MBP: variants seen among roughly 807,000 people sequenced by gnomAD.
MBP encodes myelin basic protein, also known as Golli-MBP.
A neutral mutation model predicts 35.8 loss-of-function variants in MBP; 16 were observed. The observed-to-expected ratio is 0.45, with a 90% confidence interval of 0.30 to 0.68. The LOEUF is 0.68. MBP is among the 30% of genes least tolerant of loss of function. The pLI is 0.08. For missense variants in MBP, 380 were observed against 404.7 expected (o/e 0.94, Z 0.52); for synonymous variants, 143 against 159.6 (o/e 0.90, Z 0.78).
At chr18:77,105,313 C>A in intron 1 of MBP, 27 bp from the exon 2 acceptor site, 2 of 1,442,672 alleles carry the variant, frequency 1.4e-6, no homozygotes, top group Non-Finnish European at 2.0e-6. Context: ...AAGTGTCAGC[C>A]CTAAGTCTAG....
At chr18:77,004,336 A>G (rs1375088972) in intron 4 of MBP, 1 of 152,074 alleles carries the variant, frequency 6.6e-6, no homozygotes, top group Admixed American at 6.5e-5. Flanking sequence ...AACAGCTCCT[A>G]CCATGCCTCA....
intron 1 of MBP, among the ~76,000 whole-genome samples, chr18:77,121,212 A>T (rs1052182279): frequency 4.6e-5 from 7 of 151,884 alleles, no homozygotes; most frequent in African/African-American, 1.5e-4. Flanking sequence ...AGGGAGATTG[A>T]GGTGGGAGGG....
At chr18:77,099,596 C>T (rs1356770703) in intron 2 of MBP, among the ~76,000 whole-genome samples, 1 of 152,246 alleles carries the variant, frequency 6.6e-6, no homozygotes, top group South Asian at 2.1e-4. Context: ...ACCTGGGGCT[C>T]CAGGCCTGGC....
At chr18:77,034,051 CAAAAAAA>C (rs398033591) in intron 3 of MBP, among the ~76,000 whole-genome samples, 5 of 70,502 alleles carry the variant, frequency 7.1e-5, no homozygotes, top group Non-Finnish European at 1.1e-4. Flanking sequence ...CCTAATGGGG[CAAAAAAA>C]AAAAAAAAAA....
intron 4 of MBP, among the ~76,000 whole-genome samples, chr18:76,998,249 G>A (rs914063630): frequency 5.3e-5 from 8 of 152,224 alleles, no homozygotes; most frequent in Non-Finnish European, 8.8e-5. Flanking sequence ...TGTGCATGGA[G>A]CCTGCAGCGT....
At chr18:77,023,048 T>A (rs900914067) in intron 3 of MBP, among the ~76,000 whole-genome samples, 1 of 152,258 alleles carries the variant, frequency 6.6e-6, no homozygotes, top group East Asian at 1.9e-4. Context: ...TTTCTGCAAT[T>A]GCAGGAAAAC....
chr18:77,009,244 C>T (rs1971186057), intron 4 of MBP, among the ~76,000 whole-genome samples: 1 of 152,192 alleles, frequency 6.6e-6, no homozygotes, highest in South Asian at 2.1e-4. Flanking sequence ...GTGCTCCTGG[C>T]ACCTATGTGC....
At chr18:77,066,842 A>G (rs375472372) in intron 2 of MBP, among the ~76,000 whole-genome samples, 4 of 152,356 alleles carry the variant, frequency 2.6e-5, no homozygotes, top group African/African-American at 9.6e-5. Flanking sequence ...GGGACAGAAA[A>G]CGAAGCTGAT....
chr18:77,079,927 T>C (rs1310987421), intron 2 of MBP, among the ~76,000 whole-genome samples: 2 of 152,200 alleles, frequency 1.3e-5, no homozygotes, highest in South Asian at 2.1e-4. Context: ...CTCTCCGGGA[T>C]TGAACGGTTC....
intron 2 of MBP, among the ~76,000 whole-genome samples, chr18:77,103,824 C>T (rs1976144801): frequency 6.6e-6 from 1 of 152,174 alleles, no homozygotes; most frequent in Non-Finnish European, 1.5e-5. Context: ...GGAAAAGGGT[C>T]CAGAACCCCG....
intron 3 of MBP, among the ~76,000 whole-genome samples, chr18:77,038,001 A>G (rs1474928016): frequency 6.6e-6 from 1 of 152,238 alleles, no homozygotes; most frequent in Non-Finnish European, 1.5e-5. Context: ...TAAAAATCCA[A>G]CCAAGACAGC....
At chr18:77,075,590 T>C (rs984846741) in intron 2 of MBP, among the ~76,000 whole-genome samples, 1 of 152,182 alleles carries the variant, frequency 6.6e-6, no homozygotes, top group Non-Finnish European at 1.5e-5. Flanking sequence ...TCTTTGACTA[T>C]AGCAGAGAGA....
chr18:77,030,879 A>G (rs1439554902), intron 3 of MBP, among the ~76,000 whole-genome samples: 1 of 152,142 alleles, frequency 6.6e-6, no homozygotes, highest in African/African-American at 2.4e-5. Flanking sequence ...ACCTTCTCTT[A>G]TGGGGACCAG....
At chr18:77,051,962 A>G (rs553325690) in intron 3 of MBP, among the ~76,000 whole-genome samples, 1 of 152,338 alleles carries the variant, frequency 6.6e-6, no homozygotes, top group East Asian at 1.9e-4. Context: ...ACCCAGGGAC[A>G]TGCCCTTCTC....
intron 3 of MBP, among the ~76,000 whole-genome samples, chr18:77,042,345 C>T (rs1193723690): frequency 6.6e-6 from 1 of 152,212 alleles, no homozygotes; most frequent in African/African-American, 2.4e-5. Flanking sequence ...CTGGGCACCA[C>T]GCTTTGAGCC....
rs1971184311 is a variant in MBP at position 77,009,211 on chromosome 18, C to T, written c.576+7621G>A. 4.6e-5 allele frequency among the ~76,000 whole-genome samples: 7 copies of T among 152,218 alleles called. No homozygotes were observed. In the South Asian group the frequency reaches 1.5e-3, roughly 32 times the overall value. The stretch of plus-strand genomic sequence containing the variant: ...GGGCTTGTCCCCTTCCCCTTCTCCT[C>T]CTGGCTGTCCTCTTCTTTGTGAGTG... On this transcript the variant is annotated intron_variant, in intron 4 of 8. Transcript: ENST00000355994.
intron 4 of MBP, chr18:77,002,860 T>G (rs1970711949): frequency 6.6e-6 from 1 of 152,230 alleles, no homozygotes; most frequent in Admixed American, 6.5e-5. Flanking sequence ...ATTTTTAAAT[T>G]GTATTTTATT....
intron 2 of MBP, among the ~76,000 whole-genome samples, chr18:77,082,869 G>GA (rs1568330809): frequency 6.6e-6 from 1 of 152,208 alleles, no homozygotes; most frequent in African/African-American, 2.4e-5. Flanking sequence ...ATGTGGTTCA[G>GA]TGCCAGGATC....
chr18:77,042,939 A>G (rs1184906295), intron 3 of MBP, among the ~76,000 whole-genome samples: 1 of 152,270 alleles, frequency 6.6e-6, no homozygotes, highest in Non-Finnish European at 1.5e-5. Context: ...TATAATAATT[A>G]GTCAAATGGG....
Sources: gnomAD v4.1 joint callset for allele counts (sites outside exome capture counted in the v4.1 genomes callset) on GRCh38, gnomAD v4.1.1 for gene constraint, MANE v1.5 for transcripts, NCBI Gene and HGNC (gene_info 2026-07-23, HGNC 2026-07-21) for gene names.